CSMD1: variants seen among roughly 807,000 people sequenced by gnomAD.
CSMD1 encodes CUB and sushi domain-containing protein 1.
CSMD1 carries 213 observed loss-of-function variants against 417.5 expected under a neutral mutation model. The observed-to-expected ratio is 0.51, with a 90% confidence interval of 0.46 to 0.57. The LOEUF (loss-of-function observed/expected upper bound fraction) is 0.57. Among genes scored for constraint, CSMD1 ranks in the 20% least tolerant of loss-of-function variants. CSMD1 has a pLI of 0.00. For synonymous variants in CSMD1, 2,862 were observed against 1,736.8 expected (o/e 1.65, Z -16.11); for missense variants, 6,923 against 4,529.7 (o/e 1.53, Z -15.17).
intron 23 of CSMD1, among the ~76,000 whole-genome samples, chr8:3,336,340 A>G (rs58077027): frequency 0.011 from 1,689 of 152,272 alleles, 20 homozygotes; most frequent in African/African-American, 0.038. Flanking sequence ...AGGCATTCCT[A>G]TGCCAAGAGA....
intron 5 of CSMD1, among the ~76,000 whole-genome samples, chr8:3,849,139 G>C (rs1350606720): frequency 6.6e-6 from 1 of 152,046 alleles, no homozygotes; most frequent in Admixed American, 6.6e-5. Context: ...GGAAGCCTAG[G>C]ATGATAAATG....
intron 55 of CSMD1, among the ~76,000 whole-genome samples, chr8:2,976,222 G>GA (rs113816097): frequency 0.042 from 5,738 of 136,986 alleles, 149 homozygotes; most frequent in African/African-American, 0.082. Context: ...CTCACTTGGA[G>GA]AAAAAAAAAA....
chr8:3,731,960 C>A (rs961600719), intron 6 of CSMD1, among the ~76,000 whole-genome samples: 8 of 152,126 alleles, frequency 5.3e-5, no homozygotes, highest in African/African-American at 1.9e-4. Context: ...AAACCCTGGG[C>A]TCTCACTGAA....
At chr8:4,701,503 C>T (rs545027740) in intron 1 of CSMD1, among the ~76,000 whole-genome samples, 8 of 151,978 alleles carry the variant, frequency 5.3e-5, no homozygotes, top group South Asian at 4.2e-4. Flanking sequence ...ACACCCAGGC[C>T]GCCTCCCAGA....
In CSMD1 at chr8:3,308,254, G is replaced by GGTGCAAGCACCCTAA. The variant is rs539177661; in HGVS notation, c.3823+43_3823+57dup. 6.7e-4 allele frequency: 889 copies of GGTGCAAGCACCCTAA among 1,335,744 alleles called. 8 individuals are homozygous for GGTGCAAGCACCCTAA. In the South Asian group the frequency reaches 8.5e-3, roughly 13 times the overall value. 82.7% of individuals were successfully genotyped at this position (1,335,744 alleles called of 1,614,324 possible). A position where few individuals can be genotyped will look rare whatever the true frequency, so the allele number is the denominator to read the frequency against. On this transcript the variant is annotated intron_variant, in intron 24 of 69. Transcript: ENST00000635120. ...CCAATAAAGGAAGTCAATGCAACAT[G>GGTGCAAGCACCCTAA]GTGCAAGCACCCTAAGGCCTGGCTT... is the stretch of plus-strand genomic sequence containing the variant.
Position 3,706,183 on chromosome 8 carries a change from C to A in CSMD1, c.1009+2231G>T, listed in dbSNP as rs138598566. On this transcript the variant is annotated intron_variant, in intron 7 of 69. Coordinates refer to ENST00000635120, the MANE Select transcript of CSMD1 (RefSeq NM_033225.6). ...AGGTGAACAGAATGCCCACTGCATG[C>A]CACACTCTGCAACAGGCAGTTTACA... Among the ~76,000 whole-genome samples, 739 of 152,328 alleles carry A rather than the reference C, an allele frequency of 4.9e-3. 10 individuals carry two copies. The highest frequency in any genetic ancestry group is 0.017 in the African/African-American group (702 of 41,578).
intron 1 of CSMD1, among the ~76,000 whole-genome samples, chr8:4,924,142 T>A (rs1201368602): frequency 1.3e-5 from 2 of 152,128 alleles, no homozygotes; most frequent in African/African-American, 4.8e-5. Context: ...CAAATAAACA[T>A]CCAGACACTC....
intron 23 of CSMD1, among the ~76,000 whole-genome samples, chr8:3,314,360 C>G (rs1394024869): frequency 6.6e-6 from 1 of 152,190 alleles, no homozygotes; most frequent in South Asian, 2.1e-4. Flanking sequence ...AGACTTTTGA[C>G]TGATCAATTT....
chr8:4,388,337 C>G (rs1443692466), intron 3 of CSMD1, among the ~76,000 whole-genome samples: 2 of 151,400 alleles, frequency 1.3e-5, no homozygotes, highest in South Asian at 4.1e-4. Context: ...CACACACACA[C>G]ACACACACGA....
At chr8:3,630,053 A>G (rs940855324) in intron 7 of CSMD1, among the ~76,000 whole-genome samples, 6 of 83,892 alleles carry the variant, frequency 7.2e-5, no homozygotes, top group East Asian at 1.0e-3. Context: ...TTACTTTTCT[A>G]CATTAGAGAT....
chr8:3,805,916 C>T (rs1344874292), intron 5 of CSMD1, among the ~76,000 whole-genome samples: 3 of 152,094 alleles, frequency 2.0e-5, no homozygotes, highest in African/African-American at 4.8e-5. Flanking sequence ...TGGACATGCT[C>T]ACCAGAAAGC....
chr8:3,231,012 G>A (rs1229141557), intron 26 of CSMD1, among the ~76,000 whole-genome samples: 2 of 152,148 alleles, frequency 1.3e-5, no homozygotes, highest in East Asian at 1.9e-4. Context: ...TGCAAACGGC[G>A]AGCCTAAAAT....
intron 5 of CSMD1, among the ~76,000 whole-genome samples, chr8:3,928,513 C>A (rs1034366286): frequency 7.4e-6 from 1 of 135,768 alleles, no homozygotes; most frequent in South Asian, 2.5e-4. Flanking sequence ...CACTGCCCAG[C>A]TGCATTCACA....
chr8:3,411,698 G>GTA (rs1585123968), intron 12 of CSMD1, among the ~76,000 whole-genome samples: 2 of 122,626 alleles, frequency 1.6e-5, no homozygotes, highest in Admixed American at 1.6e-4. Flanking sequence ...ATATACACAC[G>GTA]TATATATACA....
intron 11 of CSMD1, among the ~76,000 whole-genome samples, chr8:3,471,242 T>C (rs944235569): frequency 9.8e-5 from 15 of 152,296 alleles, no homozygotes; most frequent in East Asian, 1.9e-4. Flanking sequence ...ATGTACAACA[T>C]TGTCTCATGG....
At chr8:4,477,483 T>C (rs1266330228) in intron 2 of CSMD1, among the ~76,000 whole-genome samples, 1 of 152,212 alleles carries the variant, frequency 6.6e-6, no homozygotes. Flanking sequence ...ATTTAATCAC[T>C]ATAATTAAAA....
intron 2 of CSMD1, among the ~76,000 whole-genome samples, chr8:4,541,806 T>C (rs1159189041): frequency 2.0e-5 from 3 of 151,912 alleles, no homozygotes; most frequent in African/African-American, 7.3e-5. Flanking sequence ...AAAATAATAA[T>C]AATAAGTGGA....
intron 69 of CSMD1, 58 bp downstream of exon 69, chr8:2,942,414 C>T: frequency 6.7e-7 from 1 of 1,494,478 alleles, no homozygotes; most frequent in Non-Finnish European, 9.2e-7. Flanking sequence ...ATGCCCATTA[C>T]TTTAAACCCA....
chr8:4,889,498 C>T (rs753287246), intron 1 of CSMD1, among the ~76,000 whole-genome samples: 12 of 151,822 alleles, frequency 7.9e-5, no homozygotes, highest in Non-Finnish European at 1.6e-4. Flanking sequence ...TGCTTATATC[C>T]TTGTGATATG....
Sources: allele counts gnomAD v4.1 joint callset (sites outside exome capture counted in the v4.1 genomes callset), GRCh38; gene constraint gnomAD v4.1.1; transcripts MANE v1.5; gene names NCBI Gene and HGNC (gene_info 2026-07-23, HGNC 2026-07-21).